Variants in GFOD1 observed in about 807,000 individuals in gnomAD.
GFOD1 encodes glucose-fructose oxidoreductase domain-containing protein 1.
GFOD1 carries 9 observed loss-of-function variants against 25.4 expected under a neutral mutation model. That is an observed-to-expected ratio of 0.35 (90% CI 0.21 to 0.62). The LOEUF (loss-of-function observed/expected upper bound fraction) is 0.62. GFOD1 is among the 20% of genes least tolerant of loss of function. The probability of loss-of-function intolerance (pLI) is 0.72; values close to 1 mark genes in which losing one functional copy is unlikely to be tolerated. For missense variants in GFOD1, 403 were observed against 556.9 expected (o/e 0.72, Z 2.78); for synonymous variants, 253 against 245.6 (o/e 1.03, Z -0.28).
chr6:13,395,007 T>G lies in GFOD1; in HGVS notation c.254-29345A>C, dbSNP rs887915221. Among the ~76,000 whole-genome samples the G allele has an allele frequency of 1.2e-4, 19 of 152,292 alleles. No individual in the cohort carries two copies. The South Asian group carries it at 3.9e-3, about 32-fold the overall frequency. ...TGTGTTTCCCTGGCTGGTCTTGAAC[T>G]CTTGGCCTCAAGGAATCCCCCGACT... On this transcript the variant is annotated intron_variant, in intron 1 of 1. Transcript: ENST00000379287.
At chr6:13,441,954 T>G (rs935058883) in intron 1 of GFOD1, among the ~76,000 whole-genome samples, 2 of 152,176 alleles carry the variant, frequency 1.3e-5, no homozygotes, top group African/African-American at 4.8e-5. Flanking sequence ...TATCATCCCA[T>G]GGCCAGACAC....
chr6:13,381,985 A>G (rs139711145), intron 1 of GFOD1, among the ~76,000 whole-genome samples: 30 of 151,618 alleles, frequency 2.0e-4, no homozygotes, highest in African/African-American at 6.8e-4. Flanking sequence ...ACTACCACCA[A>G]GTACCTGCGA....
chr6:13,474,099 G>T (rs1199856446), intron 1 of GFOD1, among the ~76,000 whole-genome samples: 1 of 152,204 alleles, frequency 6.6e-6, no homozygotes, highest in Non-Finnish European at 1.5e-5. Context: ...CATTTTTGCT[G>T]CCAGGCACGG....
chr6:13,395,427 G>T (rs1396776550), intron 1 of GFOD1, among the ~76,000 whole-genome samples: 2 of 152,140 alleles, frequency 1.3e-5, no homozygotes, highest in Non-Finnish European at 2.9e-5. Flanking sequence ...CTCTGATAAG[G>T]GGATCTTGTT....
intron 1 of GFOD1, among the ~76,000 whole-genome samples, chr6:13,452,775 TA>T (rs61421678): frequency 0.076 from 11,610 of 152,180 alleles, 1,407 homozygotes; most frequent in African/African-American, 0.25. Context: ...GTATGACAAA[TA>T]AAGCTTGTGG....
chr6:13,375,520 G>A (rs1785239711), intron 1 of GFOD1, among the ~76,000 whole-genome samples: 1 of 152,172 alleles, frequency 6.6e-6, no homozygotes, highest in Non-Finnish European at 1.5e-5. Flanking sequence ...ACGGAAATGG[G>A]TCAGAGTGAC....
chr6:13,389,371 C>T (rs1197479433), intron 1 of GFOD1, among the ~76,000 whole-genome samples: 1 of 152,166 alleles, frequency 6.6e-6, no homozygotes, highest in Non-Finnish European at 1.5e-5. Flanking sequence ...CCCAAATGTC[C>T]ATCAATGATA....
Position 13,365,427 on chromosome 6 carries a change from G to A in GFOD1, c.489C>T (p.Ser163=). The A allele has an allele frequency of 6.2e-7, 1 of 1,613,926 alleles. No individual in the cohort carries two copies. Among genetic ancestry groups the A allele is most frequent in the Non-Finnish European group, 8.5e-7 (1 of 1,179,994 alleles). Residue 163 remains serine (S), a synonymous_variant, in exon 2 of 2, where the codon AGC becomes AGT. Transcript: ENST00000379287. The surrounding 1 kb of genome is among the most constrained non-coding windows in gnomAD (Gnocchi z 9.2). ...GSLLGKKYNW[S]CDDLMGGGGL... ...CGCCGCCGCCCATCAAGTCGTCGCAGCTCCAGTTGTACTTCTTGCCCAGCA... is the reference window on the plus strand; with the variant it reads ...CGCCGCCGCCCATCAAGTCGTCGCAACTCCAGTTGTACTTCTTGCCCAGCA...
At chr6:13,470,640 A>G (rs1758481508) in intron 1 of GFOD1, 1 of 1,457,534 alleles carries the variant, frequency 6.9e-7, no homozygotes, top group Non-Finnish European at 9.1e-7. Flanking sequence ...TCTGTTGGAA[A>G]GGGAGAAGAG....
chr6:13,380,593 G>A (rs1035148197), intron 1 of GFOD1, among the ~76,000 whole-genome samples: 1 of 152,226 alleles, frequency 6.6e-6, no homozygotes, highest in South Asian at 2.1e-4. Flanking sequence ...GGCTGGCTGG[G>A]GTGGCCACAG....
intron 1 of GFOD1, among the ~76,000 whole-genome samples, chr6:13,406,050 G>A (rs1335680683): frequency 1.3e-5 from 2 of 152,126 alleles, no homozygotes; most frequent in Non-Finnish European, 2.9e-5. Context: ...CAGGCCTCCC[G>A]CCTCTGCTAT....
At chr6:13,409,984 C>T (rs1010211817) in intron 1 of GFOD1, among the ~76,000 whole-genome samples, 5 of 136,612 alleles carry the variant, frequency 3.7e-5, no homozygotes, top group Admixed American at 7.5e-5. Context: ...TACTGAATTT[C>T]TAAAATGATA....
intron 1 of GFOD1, among the ~76,000 whole-genome samples, chr6:13,391,603 A>C (rs1785614594): frequency 6.6e-6 from 1 of 152,206 alleles, no homozygotes; most frequent in East Asian, 1.9e-4. Flanking sequence ...AATAGGTAAC[A>C]ACTCCATTTT....
At chr6:13,426,025 A>G (rs1276656981) in intron 1 of GFOD1, among the ~76,000 whole-genome samples, 5 of 152,358 alleles carry the variant, frequency 3.3e-5, no homozygotes, top group South Asian at 2.1e-4. Context: ...CATGCTGCTC[A>G]CACAGAAGCA....
At chr6:13,378,461 A>C (rs1295517579) in intron 1 of GFOD1, among the ~76,000 whole-genome samples, 14 of 152,272 alleles carry the variant, frequency 9.2e-5, no homozygotes, top group Non-Finnish European at 2.9e-5. Context: ...GAGGCTTGAC[A>C]TGGGAGAACA....
Position 13,365,399 on chromosome 6 carries a change from G to A in GFOD1, c.517C>T (p.Leu173=), listed in dbSNP as rs1445149177. ...SCDDLMGGGG[L]HSVGTYIIDL... is the part of the protein sequence containing the mutation. ...ATGATGTAGGTGCCCACGGAGTGCA[G>A]GCCGCCGCCGCCCATCAAGTCGTCG... The change falls in exon 2 of 2, where the codon CTG becomes TTG. Residue 173 remains leucine, a synonymous_variant. Coordinates refer to ENST00000379287, the MANE Select transcript of GFOD1 (RefSeq NM_018988.4). This position sits in a 1 kb window ranked among gnomAD's most constrained non-coding sequence, Gnocchi z 9.2. 1 of 1,613,830 alleles carries A rather than the reference G, an allele frequency of 6.2e-7. No individual in the cohort carries two copies. The highest frequency in any genetic ancestry group is 1.3e-5 in the African/African-American group (1 of 74,930).
Position 13,364,840 on chromosome 6 carries a change from C to T in GFOD1, c.1076G>A (p.Trp359Ter). The T allele has an allele frequency of 6.2e-7, 1 of 1,614,070 alleles. No homozygotes were observed. The change falls in exon 2 of 2, where the codon TGG becomes TAG. Residue 359 changes from tryptophan (W) to a stop codon, truncating the protein, a stop_gained. Coordinates refer to ENST00000379287, the MANE Select transcript of GFOD1 (RefSeq NM_018988.4). LOFTEE classifies it high-confidence loss of function. The surrounding 1 kb of genome is among the most constrained non-coding windows in gnomAD (Gnocchi z 4.1). ...TIKRSSQTGEWQNIAIMTEEP... is the reference protein window; with the variant it reads ...TIKRSSQTGE ...CTCGGTCATGATGGCAATGTTCTGC[C>T]ACTCGCCCGTCTGGCTGGACCTCTT... is the stretch of plus-strand genomic sequence containing the variant.
At chr6:13,433,020 T>G (rs549079254) in intron 1 of GFOD1, among the ~76,000 whole-genome samples, 1 of 152,218 alleles carries the variant, frequency 6.6e-6, no homozygotes, top group Non-Finnish European at 1.5e-5. Flanking sequence ...CATTTACTCA[T>G]GCAGCCCCAG....
At chr6:13,387,693 T>C (rs1785504774) in intron 1 of GFOD1, among the ~76,000 whole-genome samples, 1 of 152,188 alleles carries the variant, frequency 6.6e-6, no homozygotes, top group East Asian at 1.9e-4. Flanking sequence ...AAGCATTCCC[T>C]TTGAAAACTG....
Sources: gnomAD v4.1 joint callset for allele counts (sites outside exome capture counted in the v4.1 genomes callset) on GRCh38, gnomAD v4.1.1 for gene constraint, Gnocchi (gnomAD v3.1) non-coding constraint, MANE v1.5 for transcripts, NCBI Gene and HGNC (gene_info 2026-07-23, HGNC 2026-07-21) for gene names.